CDH12: variants seen among roughly 807,000 people sequenced by gnomAD.
CDH12 encodes cadherin 12.
A neutral mutation model predicts 74.1 loss-of-function variants in CDH12; 41 were observed. The ratio of observed to expected loss-of-function variants is 0.55; its 90% CI spans 0.43 to 0.72. The LOEUF (loss-of-function observed/expected upper bound fraction) is 0.72. Among genes scored for constraint, CDH12 ranks in the 30% least tolerant of loss-of-function variants. The pLI, the probability that CDH12 is intolerant of heterozygous loss-of-function variation, is 0.00. For synonymous variants in CDH12, 399 were observed against 355.0 expected, an observed-to-expected ratio of 1.12 and a Z score of -1.39; for missense variants, 945 against 977.2, an observed-to-expected ratio of 0.97 and a Z score of 0.44.
chr5:21,905,199 G>A (rs1676964809), intron 6 of CDH12, among the ~76,000 whole-genome samples: 1 of 152,168 alleles, frequency 6.6e-6, no homozygotes, highest in South Asian at 2.1e-4. Flanking sequence ...TATAGGGGAT[G>A]GCTTTGTTTT....
chr5:22,826,964 C>T (rs1014671892), intron 1 of CDH12, among the ~76,000 whole-genome samples: 4 of 152,172 alleles, frequency 2.6e-5, no homozygotes, highest in Admixed American at 1.3e-4. Context: ...GCATAAGTAA[C>T]GAGGAGCAGA....
chr5:22,070,748 G>A (rs1376260343), intron 5 of CDH12, among the ~76,000 whole-genome samples: 1 of 152,162 alleles, frequency 6.6e-6, no homozygotes, highest in Non-Finnish European at 1.5e-5. Context: ...GAATGTCAAT[G>A]GTAGTTTGAT....
chr5:22,137,146 C>T (rs1380328778), intron 4 of CDH12, among the ~76,000 whole-genome samples: 1 of 151,946 alleles, frequency 6.6e-6, no homozygotes, highest in Non-Finnish European at 1.5e-5. Flanking sequence ...CAACTCAAAA[C>T]TTGCCTTACA....
intron 3 of CDH12, among the ~76,000 whole-genome samples, chr5:22,243,558 AG>A (rs1421433257): frequency 2.6e-5 from 4 of 152,190 alleles, no homozygotes; most frequent in Non-Finnish European, 5.9e-5. Flanking sequence ...CTTGAAGACT[AG>A]ATTATTTTAG....
chr5:22,647,312 A>G (rs1325767554), intron 1 of CDH12, among the ~76,000 whole-genome samples: 1 of 151,858 alleles, frequency 6.6e-6, no homozygotes, highest in African/African-American at 2.4e-5. Context: ...AATGGTACAT[A>G]GTATTAATAT....
intron 2 of CDH12, among the ~76,000 whole-genome samples, chr5:22,458,193 T>C (rs1745365745): frequency 6.6e-6 from 1 of 152,176 alleles, no homozygotes; most frequent in South Asian, 2.1e-4. Flanking sequence ...TTGACTCTTC[T>C]TAGTGTCTGG....
chr5:22,153,910 AC>A (rs1400593024), intron 4 of CDH12, among the ~76,000 whole-genome samples: 1 of 112,188 alleles, frequency 8.9e-6, no homozygotes, highest in African/African-American at 3.4e-5. Context: ...ATATACACAC[AC>A]ATACACACAC....
At position 22,706,422 on chromosome 5, in the gene CDH12, A is replaced by C. The variant is rs756823692; in HGVS notation, c.-523+146636T>G. ...GAAACATATACACAAACTAAAAAGA[A>C]AGCCAATCATGTATCACAGATTTTA... is the stretch of plus-strand genomic sequence containing the variant. On this transcript the variant is annotated intron_variant, in intron 1 of 14. Transcript: ENST00000382254. 3.7e-4 allele frequency among the ~76,000 whole-genome samples: 57 copies of C among 152,038 alleles called. 1 individual carries two copies. Among genetic ancestry groups the C allele is most frequent in the Non-Finnish European group, 7.9e-4 (54 of 67,962 alleles).
chr5:22,498,999 G>A (rs1028509261), intron 2 of CDH12, among the ~76,000 whole-genome samples: 8 of 138,266 alleles, frequency 5.8e-5, no homozygotes, highest in South Asian at 2.3e-4. Flanking sequence ...TGTCTCCCCC[G>A]TTCAAGTGAT....
At chr5:22,798,827 G>C (rs1348069796) in intron 1 of CDH12, among the ~76,000 whole-genome samples, 2 of 152,018 alleles carry the variant, frequency 1.3e-5, no homozygotes, top group Non-Finnish European at 2.9e-5. Context: ...AAAACAAACT[G>C]TCTCCATCAG....
intron 1 of CDH12, among the ~76,000 whole-genome samples, chr5:22,630,229 T>G (rs1462375418): frequency 6.6e-6 from 1 of 151,950 alleles, no homozygotes; most frequent in East Asian, 1.9e-4. Flanking sequence ...ACTACCAACA[T>G]CATTCATCAC....
chr5:22,206,073 T>G (rs903813925), intron 4 of CDH12, among the ~76,000 whole-genome samples: 18 of 152,124 alleles, frequency 1.2e-4, no homozygotes, highest in African/African-American at 3.9e-4. Flanking sequence ...GAAAAGCTTC[T>G]CAAGAAGGTT....
chr5:21,904,676 A>T (rs1753556291), intron 6 of CDH12, among the ~76,000 whole-genome samples: 1 of 152,138 alleles, frequency 6.6e-6, no homozygotes, highest in South Asian at 2.1e-4. Flanking sequence ...GCTACTTGGG[A>T]GGCTGAGACA....
chr5:22,837,381 C>A (rs565157748), intron 1 of CDH12, among the ~76,000 whole-genome samples: 1 of 151,886 alleles, frequency 6.6e-6, no homozygotes, highest in Non-Finnish European at 1.5e-5. Flanking sequence ...ACACTTCAGC[C>A]TGGGCAACAG....
At chr5:22,847,060 G>T (rs914250700) in intron 1 of CDH12, among the ~76,000 whole-genome samples, 1 of 152,058 alleles carries the variant, frequency 6.6e-6, no homozygotes, top group African/African-American at 2.4e-5. Context: ...AACAACAGTT[G>T]TTATACTGGG....
intron 2 of CDH12, among the ~76,000 whole-genome samples, chr5:22,454,498 G>A (rs1391057562): frequency 6.6e-6 from 1 of 151,840 alleles, no homozygotes; most frequent in Non-Finnish European, 1.5e-5. Context: ...TTTTGAGATG[G>A]AGTCTCATTC....
intron 1 of CDH12, among the ~76,000 whole-genome samples, chr5:22,719,088 C>T (rs1378431463): frequency 6.6e-6 from 1 of 152,064 alleles, no homozygotes; most frequent in Admixed American, 6.6e-5. Flanking sequence ...TAGAAGTGGT[C>T]CTGGAGACAC....
chr5:22,723,955 T>C (rs1744029122), intron 1 of CDH12, among the ~76,000 whole-genome samples: 1 of 151,868 alleles, frequency 6.6e-6, no homozygotes, highest in African/African-American at 2.4e-5. Context: ...GCTGTCCTCT[T>C]AATTCTCTCA....
chr5:22,436,696 T>G (rs1744409232), intron 2 of CDH12, among the ~76,000 whole-genome samples: 1 of 152,100 alleles, frequency 6.6e-6, no homozygotes, highest in Non-Finnish European at 1.5e-5. Context: ...GAGTCCATGC[T>G]TTTAAGAAAA....
Sources: allele counts gnomAD v4.1 joint callset (sites outside exome capture counted in the v4.1 genomes callset), GRCh38; gene constraint gnomAD v4.1.1; transcripts MANE v1.5; gene names NCBI Gene and HGNC (gene_info 2026-07-23, HGNC 2026-07-21).